The following PIK3C2G variants were observed in gnomAD, a reference collection of about 807,000 sequenced individuals.
PIK3C2G encodes phosphatidylinositol 3-kinase C2 domain-containing subunit gamma.
In PIK3C2G, 168 loss-of-function variants were observed where a neutral mutation model predicts 181.1. That is an observed-to-expected ratio of 0.93 (90% CI 0.82 to 1.05). PIK3C2G has a LOEUF of 1.05. PIK3C2G is among the 50% of genes least tolerant of loss of function. The pLI is 0.00. For synonymous variants in PIK3C2G, 573 were observed against 592.2 expected, an observed-to-expected ratio of 0.97 and a Z score of 0.47; for missense variants, 1,869 against 1,732.8, an observed-to-expected ratio of 1.08 and a Z score of -1.40.
In PIK3C2G at chr12:18,399,748, C is replaced by A. The variant is rs1443845212; in HGVS notation, c.2216C>A (p.Ala739Asp). Residue 739 changes from alanine (A) to aspartate (D), a missense_variant, in exon 16 of 33, where the codon GCC becomes GAC. Transcript: ENST00000538779. ...NCSLPLVLGS[A>D]PGWDERTVSE... ...TCCCTTCCTTTAGTCCTGGGTAGTGCCCCTGGATGGGATGAAAGGACTGTT... is the reference window on the plus strand; with the variant it reads ...TCCCTTCCTTTAGTCCTGGGTAGTGACCCTGGATGGGATGAAAGGACTGTT... 3 of 1,605,264 alleles carry A rather than the reference C, an allele frequency of 1.9e-6. No individual in the cohort carries two copies. The highest frequency in any genetic ancestry group is 2.6e-6 in the Non-Finnish European group (3 of 1,173,390).
At chr12:18,326,537 TAA>T (rs1238505197) in intron 8 of PIK3C2G, among the ~76,000 whole-genome samples, 2 of 152,202 alleles carry the variant, frequency 1.3e-5, no homozygotes, top group African/African-American at 4.8e-5. Context: ...CATAAATATG[TAA>T]AGACATGGAG....
At chr12:18,637,591 C>A (rs1949663569) in intron 31 of PIK3C2G, among the ~76,000 whole-genome samples, 1 of 152,174 alleles carries the variant, frequency 6.6e-6, no homozygotes, top group Non-Finnish European at 1.5e-5. Context: ...AGCAAGGCAA[C>A]TTGGCCCCTG....
chr12:18,710,932 G>A, the PIK3C2G span, among the ~76,000 whole-genome samples: 1 of 152,074 alleles, frequency 6.6e-6, no homozygotes, highest in African/African-American at 2.4e-5. Flanking sequence ...TTACACTGTT[G>A]GTTGGACTGT....
intron 31 of PIK3C2G, among the ~76,000 whole-genome samples, chr12:18,630,763 A>C (rs1048787641): frequency 6.6e-6 from 1 of 152,172 alleles, no homozygotes; most frequent in Non-Finnish European, 1.5e-5. Flanking sequence ...AGATGACTTC[A>C]TATTACCTTC....
At chr12:18,406,963 C>A (rs969810504) in intron 16 of PIK3C2G, among the ~76,000 whole-genome samples, 2 of 152,110 alleles carry the variant, frequency 1.3e-5, no homozygotes, top group Non-Finnish European at 2.9e-5. Flanking sequence ...CAGTTGATAA[C>A]ATAAGCTTTG....
intron 1 of PIK3C2G, among the ~76,000 whole-genome samples, chr12:18,268,140 G>A (rs1325473764): frequency 6.6e-6 from 1 of 152,096 alleles, no homozygotes; most frequent in African/African-American, 2.4e-5. Context: ...TACAAAGCAA[G>A]GGCCAGCCAG....
At position 18,445,860 on chromosome 12, in the gene PIK3C2G, C is replaced by T. The variant is rs564445398; in HGVS notation, c.2504+21821C>T. On this transcript the variant is annotated intron_variant, in intron 18 of 32. Transcript: ENST00000538779. ...TTCACGTAAAAGAAATATTTATTTA[C>T]TTACCTTGAGTGCAATTGCATAGAA... is the stretch of plus-strand genomic sequence containing the variant. Among the ~76,000 whole-genome samples the T allele has an allele frequency of 8.5e-5, 13 of 152,222 alleles. No individual in the cohort carries two copies. In the South Asian group the frequency reaches 2.5e-3, roughly 29 times the overall value.
intron 18 of PIK3C2G, among the ~76,000 whole-genome samples, chr12:18,472,965 A>G (rs904896252): frequency 6.6e-6 from 1 of 152,118 alleles, no homozygotes; most frequent in Non-Finnish European, 1.5e-5. Flanking sequence ...TTCCAAAAGT[A>G]CTAGGATTAC....
At position 18,299,343 on chromosome 12, in the gene PIK3C2G, G is replaced by T. The variant is rs552557112; in HGVS notation, c.1034+5328G>T. The stretch of plus-strand genomic sequence containing the variant: ...TTCCTTCTTAATTTTTTTCCAGTTA[G>T]TTTGTTATGGGTTCATAAAAATGTT... On this transcript the variant is annotated intron_variant, in intron 5 of 32. Transcript: ENST00000538779. Among the ~76,000 whole-genome samples the T allele has an allele frequency of 2.0e-5, 3 of 151,882 alleles. No individual in the cohort carries two copies. The South Asian group carries it at 6.2e-4, about 32-fold the overall frequency.
At chr12:18,370,982 A>G (rs772215977) in intron 12 of PIK3C2G, among the ~76,000 whole-genome samples, 198 bp from the exon 13 acceptor site, 6 of 152,186 alleles carry the variant, frequency 3.9e-5, no homozygotes, top group Non-Finnish European at 7.4e-5. Context: ...AATAATTTTC[A>G]TCGATTAACA....
intron 24 of PIK3C2G, among the ~76,000 whole-genome samples, chr12:18,512,452 A>G (rs1942271094): frequency 6.6e-6 from 1 of 151,886 alleles, no homozygotes; most frequent in African/African-American, 2.4e-5. Context: ...AACACAGAAA[A>G]TCTTTTAAGT....
chr12:18,308,225 G>A (rs1004157331), intron 5 of PIK3C2G, among the ~76,000 whole-genome samples: 1 of 151,558 alleles, frequency 6.6e-6, no homozygotes, highest in African/African-American at 2.4e-5. Context: ...AAACTCTAAC[G>A]TCCTTTAAAA....
intron 24 of PIK3C2G, among the ~76,000 whole-genome samples, chr12:18,514,259 C>T (rs1322054008): frequency 6.6e-6 from 1 of 151,894 alleles, no homozygotes; most frequent in East Asian, 1.9e-4. Flanking sequence ...CACGATCTAT[C>T]CTGGAGAATG....
chr12:18,567,983 C>T (rs1945727020), intron 29 of PIK3C2G, among the ~76,000 whole-genome samples: 1 of 152,146 alleles, frequency 6.6e-6, no homozygotes, highest in Non-Finnish European at 1.5e-5. Flanking sequence ...CAGTGGCACA[C>T]TTTGACCTCT....
intron 18 of PIK3C2G, among the ~76,000 whole-genome samples, chr12:18,457,292 CCT>C (rs1231708820): frequency 3.9e-5 from 6 of 152,124 alleles, no homozygotes; most frequent in African/African-American, 1.4e-4. Context: ...ATATATTACC[CCT>C]CTCTTTCTTT....
chr12:18,446,869 C>T (rs1347309530), intron 18 of PIK3C2G, among the ~76,000 whole-genome samples: 1 of 152,044 alleles, frequency 6.6e-6, no homozygotes, highest in African/African-American at 2.4e-5. Flanking sequence ...CTTTTTCCTT[C>T]ACTTTTTTCT....
intron 29 of PIK3C2G, among the ~76,000 whole-genome samples, chr12:18,572,456 TATCTGCTGATATATATAAATGTA>T (rs1946004690): frequency 6.7e-6 from 1 of 150,234 alleles, no homozygotes; most frequent in Middle Eastern, 3.6e-3. Context: ...TATATCCATA[TATCTGCTGATATATATAAATGTA>T]ATCTGCTGAT....
At chr12:18,461,669 A>T (rs1258855483) in intron 18 of PIK3C2G, among the ~76,000 whole-genome samples, 3 of 152,192 alleles carry the variant, frequency 2.0e-5, no homozygotes, top group Admixed American at 2.0e-4. Flanking sequence ...TAGTTGCTTT[A>T]TAAAAGAAGC....
rs138008152 is a variant in PIK3C2G at position 18,550,782 on chromosome 12, G to T, written c.3590+4350G>T. 5.7e-3 allele frequency among the ~76,000 whole-genome samples: 864 copies of T among 152,028 alleles called. 5 individuals are homozygous for T. The highest frequency in any genetic ancestry group is 0.02 in the African/African-American group (825 of 41,478). On this transcript the variant is annotated intron_variant, in intron 26 of 32. Transcript: ENST00000538779. ...AAACCCCTTCTCCCTTCTCCACTAG[G>T]CTCACAGATTGGGATCCCGAGCCAA... is the stretch of plus-strand genomic sequence containing the variant.
Sources: allele counts gnomAD v4.1 joint callset (sites outside exome capture counted in the v4.1 genomes callset), GRCh38; gene constraint gnomAD v4.1.1; transcripts MANE v1.5; gene names NCBI Gene and HGNC (gene_info 2026-07-23, HGNC 2026-07-21).